Variants in SRD5A2 observed in about 807,000 individuals in gnomAD.
SRD5A2 encodes 3-oxo-5-alpha-steroid 4-dehydrogenase 2.
Under a neutral mutation model 27.4 loss-of-function variants are expected in SRD5A2, and 30 were observed. The ratio of observed to expected loss-of-function variants is 1.10; its 90% CI spans 0.82 to 1.49. The LOEUF (loss-of-function observed/expected upper bound fraction) is 1.49, where lower values mean the gene tolerates loss of function less well. SRD5A2 is among the 40% of genes most tolerant of loss of function. SRD5A2 has a pLI of 0.00. For synonymous variants in SRD5A2, 141 were observed against 133.6 expected, an observed-to-expected ratio of 1.06 and a Z score of -0.38; for missense variants, 348 against 323.4, an observed-to-expected ratio of 1.08 and a Z score of -0.58.
chr2:31,626,932 G>A, the SRD5A2 span, among the ~76,000 whole-genome samples: 1 of 152,112 alleles, frequency 6.6e-6, no homozygotes, highest in Non-Finnish European at 1.5e-5. Context: ...CAGAAGGAAT[G>A]GTACTAGCTC....
At chr2:31,646,280 T>C in the SRD5A2 span, among the ~76,000 whole-genome samples, 1 of 152,090 alleles carries the variant, frequency 6.6e-6, no homozygotes, top group Non-Finnish European at 1.5e-5. Flanking sequence ...GATGTGAAAC[T>C]CATCATTAAT....
At chr2:31,608,880 G>A in the SRD5A2 span, among the ~76,000 whole-genome samples, 1 of 152,022 alleles carries the variant, frequency 6.6e-6, no homozygotes, top group African/African-American at 2.4e-5. Context: ...AAATTTATAT[G>A]TGGAAGTTTT....
chr2:31,586,111 T>C, the SRD5A2 span, among the ~76,000 whole-genome samples: 1 of 152,180 alleles, frequency 6.6e-6, no homozygotes, highest in Non-Finnish European at 1.5e-5. Flanking sequence ...AGATAAGTTC[T>C]TAGTGGTGAT....
intron 1 of SRD5A2, among the ~76,000 whole-genome samples, chr2:31,568,265 CA>C (rs1666776892): frequency 6.6e-6 from 1 of 152,170 alleles, no homozygotes; most frequent in Non-Finnish European, 1.5e-5. Flanking sequence ...ATGTGACAAG[CA>C]GGGGGGCATG....
chr2:31,610,561 T>G, the SRD5A2 span, among the ~76,000 whole-genome samples: 51 of 152,268 alleles, frequency 3.3e-4, 1 homozygote, highest in Non-Finnish European at 1.5e-5. Context: ...AAAGCTTTTC[T>G]TCTAAGATCA....
the SRD5A2 span, among the ~76,000 whole-genome samples, chr2:31,590,873 G>A: frequency 1.3e-5 from 2 of 152,150 alleles, no homozygotes; most frequent in African/African-American, 4.8e-5. Flanking sequence ...TGGGAAAACT[G>A]GCTAGCCATA....
the SRD5A2 span, among the ~76,000 whole-genome samples, chr2:31,622,628 A>C: frequency 2.0e-5 from 3 of 152,122 alleles, no homozygotes; most frequent in African/African-American, 7.2e-5. Flanking sequence ...TTTTTAGTGC[A>C]TCTCATCAAT....
At chr2:31,603,252 C>A in the SRD5A2 span, among the ~76,000 whole-genome samples, 2 of 151,916 alleles carry the variant, frequency 1.3e-5, no homozygotes, top group African/African-American at 4.8e-5. Context: ...CATGAACAGA[C>A]ACTTCTCAAA....
At chr2:31,631,612 C>T in the SRD5A2 span, among the ~76,000 whole-genome samples, 1 of 152,048 alleles carries the variant, frequency 6.6e-6, no homozygotes, top group African/African-American at 2.4e-5. Context: ...CTCAGATAAC[C>T]CTGATGGCTA....
At chr2:31,626,089 T>C in the SRD5A2 span, among the ~76,000 whole-genome samples, 4 of 152,184 alleles carry the variant, frequency 2.6e-5, no homozygotes, top group Admixed American at 1.3e-4. Flanking sequence ...CCCTTGTAAG[T>C]TGGATTCCTA....
At chr2:31,615,632 C>T in the SRD5A2 span, among the ~76,000 whole-genome samples, 1 of 152,128 alleles carries the variant, frequency 6.6e-6, no homozygotes, top group Non-Finnish European at 1.5e-5. Context: ...GGAAAATTTC[C>T]AGCCTGGCAA....
chr2:31,583,226 C>T (rs1425949855), upstream of SRD5A2, among the ~76,000 whole-genome samples: 1 of 152,170 alleles, frequency 6.6e-6, no homozygotes, highest in African/African-American at 2.4e-5. Context: ...GAGCTAGCTC[C>T]ACCATGTCTA....
chr2:31,627,162 T>G, the SRD5A2 span, among the ~76,000 whole-genome samples: 1 of 152,176 alleles, frequency 6.6e-6, no homozygotes, highest in East Asian at 1.9e-4. Context: ...ATTTATAGTA[T>G]TATCTCATGG....
chr2:31,599,527 G>A, the SRD5A2 span, among the ~76,000 whole-genome samples: 15 of 151,872 alleles, frequency 9.9e-5, no homozygotes, highest in East Asian at 1.9e-4. Context: ...ATACAAATAC[G>A]TGGAAATTAA....
chr2:31,561,608 G>A (rs1432009428), intron 1 of SRD5A2, among the ~76,000 whole-genome samples: 1 of 152,062 alleles, frequency 6.6e-6, no homozygotes, highest in Non-Finnish European at 1.5e-5. Flanking sequence ...GGTAATACTG[G>A]GAGACCTTGG....
At chr2:31,660,456 G>A in the SRD5A2 span, among the ~76,000 whole-genome samples, 1 of 152,082 alleles carries the variant, frequency 6.6e-6, no homozygotes, top group Non-Finnish European at 1.5e-5. Flanking sequence ...ATACACACAT[G>A]TTATTATACA....
upstream of SRD5A2, among the ~76,000 whole-genome samples, chr2:31,584,836 C>A (rs973410958): frequency 2.0e-5 from 3 of 152,206 alleles, no homozygotes; most frequent in Non-Finnish European, 4.4e-5. Context: ...TTCACAAGAA[C>A]CAAAACTCAA....
At chr2:31,651,801 T>G in the SRD5A2 span, 1 of 152,666 alleles carries the variant, frequency 6.6e-6, no homozygotes, top group Non-Finnish European at 1.5e-5. Flanking sequence ...CTGAACATTG[T>G]GTTTGTACGA....
At chr2:31,637,573 G>A in the SRD5A2 span, among the ~76,000 whole-genome samples, 1 of 152,054 alleles carries the variant, frequency 6.6e-6, no homozygotes, top group African/African-American at 2.4e-5. Flanking sequence ...TATATAATTA[G>A]TAGTAGGTGT....
Sources: gnomAD v4.1 joint callset for allele counts (sites outside exome capture counted in the v4.1 genomes callset) on GRCh38, gnomAD v4.1.1 for gene constraint, MANE v1.5 for transcripts, NCBI Gene and HGNC (gene_info 2026-07-23, HGNC 2026-07-21) for gene names.